The following EGFR variants were observed in gnomAD, a reference collection of about 807,000 sequenced individuals.
The protein encoded by EGFR is epidermal growth factor receptor, also known as avian erythroblastic leukemia viral (v-erb-b) oncogene homolog.
EGFR carries 58 observed loss-of-function variants against 143.0 expected under a neutral mutation model. The observed-to-expected ratio is 0.41, with a 90% CI of 0.33 to 0.50. The LOEUF is 0.50. Ranked by LOEUF, EGFR falls within the 20% of genes least tolerant of loss-of-function variation. The pLI, the probability that EGFR is intolerant of heterozygous loss-of-function variation, is 0.39. For missense variants in EGFR, 1,307 were observed against 1,579.0 expected (o/e 0.83, Z 2.92); for synonymous variants, 613 against 594.4 (o/e 1.03, Z -0.45).
At chr7:55,190,028 C>T (rs886175470) in intron 20 of EGFR, among the ~76,000 whole-genome samples, 12 of 152,154 alleles carry the variant, frequency 7.9e-5, no homozygotes, top group Middle Eastern at 6.3e-3. Flanking sequence ...AGGCAGACAG[C>T]GGGGGCAGGG....
At chr7:55,139,821 C>G (rs989271569) in intron 1 of EGFR, among the ~76,000 whole-genome samples, 3 of 152,092 alleles carry the variant, frequency 2.0e-5, no homozygotes, top group Non-Finnish European at 4.4e-5. Context: ...CTTGTTTAAA[C>G]AAATTGTCCA....
At chr7:55,144,563 G>A (rs1176609727) in intron 3 of EGFR, among the ~76,000 whole-genome samples, 1 of 152,182 alleles carries the variant, frequency 6.6e-6, no homozygotes, top group Non-Finnish European at 1.5e-5. Flanking sequence ...GGGGTGCAGC[G>A]CTGGAACCCA....
chr7:55,193,963 G>A (rs905740167), intron 22 of EGFR, among the ~76,000 whole-genome samples: 1 of 152,180 alleles, frequency 6.6e-6, no homozygotes, highest in African/African-American at 2.4e-5. Flanking sequence ...GAAGTTTGGT[G>A]TGCACCTGTG....
At chr7:55,099,551 T>C (rs1791679770) in intron 1 of EGFR, among the ~76,000 whole-genome samples, 1 of 151,840 alleles carries the variant, frequency 6.6e-6, no homozygotes, top group Admixed American at 6.6e-5. Flanking sequence ...TGGAAAAGAG[T>C]ATTTGGCACT....
At chr7:55,176,937 C>A (rs10046549) in intron 19 of EGFR, among the ~76,000 whole-genome samples, 39,341 of 146,038 alleles carry the variant, frequency 0.27, 5,718 homozygotes, top group Admixed American at 0.35. Flanking sequence ...ATATATATAT[C>A]TCTCTCTAAA....
In EGFR at chr7:55,132,418, T is replaced by C. The variant is rs533609619; in HGVS notation, c.89-9868T>C. Among the ~76,000 whole-genome samples the C allele has an allele frequency of 3.9e-5, 6 of 152,322 alleles. No homozygotes were observed. In the East Asian group the frequency reaches 1.2e-3, roughly 29 times the overall value. ...ATAACTATGAACAAACCAGGAAGGA[T>C]AATAACTTGTATCCCCCAATTCGAA... On this transcript the variant is annotated intron_variant, in intron 1 of 27. Coordinates refer to ENST00000275493, the MANE Select transcript of EGFR (RefSeq NM_005228.5).
intron 1 of EGFR, among the ~76,000 whole-genome samples, chr7:55,029,585 A>G (rs1412478694): frequency 6.6e-6 from 1 of 152,360 alleles, no homozygotes. Context: ...AATATACTAT[A>G]TAATTTTCAA....
chr7:55,166,571 G>T (rs894595383), intron 15 of EGFR, among the ~76,000 whole-genome samples: 3 of 152,252 alleles, frequency 2.0e-5, no homozygotes, highest in Non-Finnish European at 4.4e-5. Context: ...TGGTGGGATG[G>T]TGATGAGGAG....
At position 55,019,225 on chromosome 7, in the gene EGFR, A is replaced by G. The variant is rs2128853130; in HGVS notation, c.-53A>G. Reference sequence around the variant, plus strand: ...CACAACCACCGCGCACGGCCCCCTGACTCCGTCCAGTATTGATCGGGAGAG... The same window carrying G: ...CACAACCACCGCGCACGGCCCCCTGGCTCCGTCCAGTATTGATCGGGAGAG... On this transcript the variant is annotated 5_prime_UTR_variant, in exon 1 of 28. Transcript: ENST00000275493. 7.2e-7 allele frequency: 1 copy of G among 1,379,490 alleles called. No individual in the cohort carries two copies. Among genetic ancestry groups the G allele is most frequent in the Non-Finnish European group, 9.7e-7 (1 of 1,035,064 alleles). 85.5% of individuals were successfully genotyped at this position (1,379,490 alleles called of 1,614,324 possible). A position where few individuals can be genotyped will look rare whatever the true frequency, so the allele number is the denominator to read the frequency against.
At chr7:55,077,591 G>A (rs905637269) in intron 1 of EGFR, among the ~76,000 whole-genome samples, 1 of 152,146 alleles carries the variant, frequency 6.6e-6, no homozygotes, top group Non-Finnish European at 1.5e-5. Context: ...ATAATTAAAT[G>A]ACAGAAATGT....
chr7:55,059,635 C>T (rs1380803412), intron 1 of EGFR, among the ~76,000 whole-genome samples: 1 of 152,008 alleles, frequency 6.6e-6, no homozygotes, highest in African/African-American at 2.4e-5. Context: ...CTCCTCCTTC[C>T]CACCCTCCCC....
chr7:55,203,687 CCA>C (rs1224970175), intron 27 of EGFR, among the ~76,000 whole-genome samples: 1 of 148,068 alleles, frequency 6.8e-6, no homozygotes, highest in Non-Finnish European at 1.5e-5. Context: ...ACCACACACA[CCA>C]CACATACACG....
At chr7:55,187,156 G>A (rs567190732) in intron 20 of EGFR, among the ~76,000 whole-genome samples, 1 of 152,266 alleles carries the variant, frequency 6.6e-6, no homozygotes, top group South Asian at 2.1e-4. Context: ...GACCCCTCAG[G>A]GCCAAGCACA....
chr7:55,103,198 G>A, intron 1 of EGFR, among the ~76,000 whole-genome samples: 2 of 152,158 alleles, frequency 1.3e-5, no homozygotes, highest in East Asian at 3.9e-4. Flanking sequence ...CTCTGTTGGT[G>A]AACTTTGAGA....
At chr7:55,172,804 G>T (rs1283607894) in intron 16 of EGFR, 179 bp from the exon 17 acceptor site, 1 of 1,534,958 alleles carries the variant, frequency 6.5e-7, no homozygotes, top group African/African-American at 1.4e-5. Context: ...GCTTGAGAAA[G>T]TTGGAAACGT....
intron 15 of EGFR, among the ~76,000 whole-genome samples, chr7:55,169,108 T>C (rs1246284337): frequency 1.3e-5 from 2 of 151,812 alleles, no homozygotes; most frequent in Non-Finnish European, 2.9e-5. Context: ...TATTTCTTTT[T>C]TTTTTTTGTC....
At chr7:55,194,070 G>A (rs931390908) in intron 22 of EGFR, among the ~76,000 whole-genome samples, 2 of 152,024 alleles carry the variant, frequency 1.3e-5, no homozygotes, top group Non-Finnish European at 2.9e-5. Context: ...TCCTCTCCAC[G>A]AGGGAACTGC....
intron 19 of EGFR, among the ~76,000 whole-genome samples, chr7:55,177,787 C>T (rs1786662366): frequency 6.6e-6 from 1 of 152,256 alleles, no homozygotes; most frequent in South Asian, 2.1e-4. Context: ...GCTCTGCCTG[C>T]CAGCCTGTGG....
At chr7:55,092,341 A>G (rs1791177765) in intron 1 of EGFR, among the ~76,000 whole-genome samples, 1 of 152,202 alleles carries the variant, frequency 6.6e-6, no homozygotes, top group Non-Finnish European at 1.5e-5. Flanking sequence ...TGTCAGGTTG[A>G]ACATTTGCCT....
Sources: gnomAD v4.1 joint callset for allele counts (sites outside exome capture counted in the v4.1 genomes callset) on GRCh38, gnomAD v4.1.1 for gene constraint, MANE v1.5 for transcripts, NCBI Gene and HGNC (gene_info 2026-07-23, HGNC 2026-07-21) for gene names.